DRG1: variants seen among roughly 807,000 people sequenced by gnomAD.
DRG1 encodes developmentally regulated GTP binding protein 1.
A neutral mutation model predicts 38.8 loss-of-function variants in DRG1; 19 were observed. That is an observed-to-expected ratio of 0.49 (90% CI 0.34 to 0.72). DRG1 has a LOEUF of 0.72. Ranked by LOEUF, DRG1 falls within the 30% of genes least tolerant of loss-of-function variation. DRG1 has a pLI of 0.01. For synonymous variants in DRG1, 167 were observed against 157.5 expected (o/e 1.06, Z -0.45); for missense variants, 299 against 444.8 (o/e 0.67, Z 2.95).
intron 8 of DRG1, among the ~76,000 whole-genome samples, chr22:31,432,915 G>A (rs1248153375): frequency 6.6e-6 from 1 of 151,698 alleles, no homozygotes; most frequent in Non-Finnish European, 1.5e-5. Flanking sequence ...CAACAATATG[G>A]CCACCTTTTT....
intron 5 of DRG1, among the ~76,000 whole-genome samples, chr22:31,420,897 C>T (rs2050073132): frequency 6.6e-6 from 1 of 152,126 alleles, no homozygotes; most frequent in Admixed American, 6.6e-5. Flanking sequence ...AATATAAGAA[C>T]ACAAAGTAGG....
At chr22:31,426,527 G>T in intron 6 of DRG1, 88 bp from the exon 7 acceptor site, 1 of 1,178,472 alleles carries the variant, frequency 8.5e-7, no homozygotes, top group Non-Finnish European at 1.2e-6. Flanking sequence ...AGCGCCAGTT[G>T]GGTCTGGGTG....
chr22:31,423,925 C>T (rs962761602), intron 6 of DRG1, among the ~76,000 whole-genome samples: 23 of 139,536 alleles, frequency 1.6e-4, no homozygotes, highest in African/African-American at 2.8e-4. Context: ...AGTGCAGTGG[C>T]GCAGTCTCGG....
chr22:31,412,339 A>G (rs918253424), intron 4 of DRG1, among the ~76,000 whole-genome samples: 1 of 134,718 alleles, frequency 7.4e-6, no homozygotes, highest in Non-Finnish European at 1.6e-5. Context: ...TCTTTGTTTT[A>G]TTTTCTTTCT....
intron 6 of DRG1, 104 bp downstream of exon 6, chr22:31,423,514 T>C (rs1384747341): frequency 3.4e-6 from 4 of 1,174,826 alleles, no homozygotes; most frequent in Non-Finnish European, 4.7e-6. Flanking sequence ...ATTCCAGTTG[T>C]CCTACTGTCT....
chr22:31,411,164 A>G, intron 4 of DRG1, 83 bp downstream of exon 4: 2 of 1,443,396 alleles, frequency 1.4e-6, no homozygotes, highest in Non-Finnish European at 1.9e-6. Context: ...CTTGGCTTGG[A>G]GATTATACCA....
intron 8 of DRG1, among the ~76,000 whole-genome samples, chr22:31,431,333 G>A (rs557793396): frequency 2.8e-4 from 42 of 152,072 alleles, no homozygotes; most frequent in African/African-American, 9.2e-4. Context: ...TGTGCCCGCC[G>A]CACTTTTTTT....
At chr22:31,411,961 T>TA (rs1383111906) in intron 4 of DRG1, among the ~76,000 whole-genome samples, 1 of 152,010 alleles carries the variant, frequency 6.6e-6, no homozygotes, top group African/African-American at 2.4e-5. Context: ...TGTTTTTTGA[T>TA]AAAAAACCAA....
intron 8 of DRG1, among the ~76,000 whole-genome samples, chr22:31,432,780 C>T (rs528749697): frequency 2.6e-5 from 4 of 151,906 alleles, no homozygotes; most frequent in Non-Finnish European, 5.9e-5. Flanking sequence ...ATGCTGGTCT[C>T]GAACTCCTGA....
chr22:31,423,665 T>C (rs972800458), intron 6 of DRG1, among the ~76,000 whole-genome samples: 1 of 151,524 alleles, frequency 6.6e-6, no homozygotes, highest in Admixed American at 6.6e-5. Context: ...TAGCTAGGAT[T>C]ACAGGTGCGC....
At chr22:31,399,853 C>A in intron 1 of DRG1, 128 bp downstream of exon 1, 1 of 1,411,070 alleles carries the variant, frequency 7.1e-7, no homozygotes, top group Non-Finnish European at 9.9e-7. Flanking sequence ...TCAGCGAGGC[C>A]CGTGTTCCGA....
intron 3 of DRG1, among the ~76,000 whole-genome samples, chr22:31,403,902 T>C (rs2049976036): frequency 6.6e-6 from 1 of 152,004 alleles, no homozygotes; most frequent in African/African-American, 2.4e-5. Context: ...TGTGGACATA[T>C]CTGGACCATG....
chr22:31,431,035 C>CAGCTT (rs2050136481), intron 8 of DRG1, among the ~76,000 whole-genome samples: 1 of 56,764 alleles, frequency 1.8e-5, no homozygotes, highest in Non-Finnish European at 3.2e-5. Flanking sequence ...CCCCCCCCCG[C>CAGCTT]TTTTTTTTTT....
At chr22:31,424,289 T>C (rs1298757938) in intron 6 of DRG1, among the ~76,000 whole-genome samples, 2 of 151,580 alleles carry the variant, frequency 1.3e-5, no homozygotes, top group Non-Finnish European at 2.9e-5. Flanking sequence ...GTAGCTGAGA[T>C]TACAGGTGTG....
At position 31,416,633 on chromosome 22, in the gene DRG1, T is replaced by C. The variant is rs529125217; in HGVS notation, c.413-3623T>C. On this transcript the variant is annotated intron_variant, in intron 4 of 8. Coordinates refer to ENST00000331457, the MANE Select transcript of DRG1 (RefSeq NM_004147.4). ...AGCCAGGCATGGTGGCAGGTACCTG[T>C]AATTCCATAGTCTGTAATTCCAGCA... is the stretch of plus-strand genomic sequence containing the variant. 1.8e-4 allele frequency among the ~76,000 whole-genome samples: 27 copies of C among 152,158 alleles called. No homozygotes were observed. In the East Asian group the frequency reaches 5.0e-3, roughly 28 times the overall value.
Position 31,431,026 on chromosome 22 carries a change from C to A in DRG1, c.1005-2846C>A, listed in dbSNP as rs1350727409. 1.3e-4 allele frequency among the ~76,000 whole-genome samples: 16 copies of A among 119,596 alleles called. No individual in the cohort carries two copies. The East Asian group carries it at 1.9e-3, about 15-fold the overall frequency. The allele number at this position is 119,596 out of a possible 152,430, so 78.5% of individuals were successfully genotyped here. ...AGCCACTGCACCCGGCCTTCCCCCCCCCCCCCCGCTTTTTTTTTTTTTTTT... is the reference window on the plus strand; with the variant it reads ...AGCCACTGCACCCGGCCTTCCCCCCACCCCCCCGCTTTTTTTTTTTTTTTT... On this transcript the variant is annotated intron_variant, in intron 8 of 8. Transcript: ENST00000331457.
chr22:31,411,129 G>T (rs202089239), intron 4 of DRG1, 48 bp downstream of exon 4: 88 of 1,592,454 alleles, frequency 5.5e-5, no homozygotes, highest in Non-Finnish European at 6.4e-5. Flanking sequence ...CCCTTCTCTG[G>T]TACTATTCTT....
intron 7 of DRG1, 63 bp from the exon 8 acceptor site, chr22:31,426,997 C>T: frequency 1.9e-6 from 3 of 1,601,836 alleles, no homozygotes; most frequent in Non-Finnish European, 2.6e-6. Flanking sequence ...TGGAGGGTTG[C>T]TATACATTCA....
At chr22:31,410,249 G>T (rs1001792563) in intron 3 of DRG1, among the ~76,000 whole-genome samples, 2 of 152,014 alleles carry the variant, frequency 1.3e-5, no homozygotes, top group African/African-American at 4.8e-5. Flanking sequence ...GAGTTCAGGA[G>T]TTTGAGACCA....
Sources: allele counts gnomAD v4.1 joint callset (sites outside exome capture counted in the v4.1 genomes callset), GRCh38; gene constraint gnomAD v4.1.1; transcripts MANE v1.5; gene names NCBI Gene and HGNC (gene_info 2026-07-23, HGNC 2026-07-21).